The following PPFIBP1 variants were observed in gnomAD, a reference collection of about 807,000 sequenced individuals.
PPFIBP1 encodes liprin-beta-1.
In PPFIBP1, 112 loss-of-function variants were observed where a neutral mutation model predicts 137.8. The ratio of observed to expected loss-of-function variants is 0.81; its 90% confidence interval spans 0.70 to 0.95. The LOEUF is 0.95. Among genes scored for constraint, PPFIBP1 ranks in the 40% least tolerant of loss-of-function variants. PPFIBP1 has a pLI of 0.00. For synonymous variants in PPFIBP1, 378 were observed against 417.3 expected (o/e 0.91, Z 1.15); for missense variants, 1,083 against 1,196.6 (o/e 0.91, Z 1.40).
rs146181524 is a variant in PPFIBP1 at position 27,676,439 on chromosome 12, G to C, written c.1422G>C (p.Pro474=). 169 of 1,535,878 alleles carry C rather than the reference G, an allele frequency of 1.1e-4. No individual in the cohort carries two copies. The African/African-American group carries it at 2.2e-3, about 20-fold the overall frequency. ...TIQKTSEDRA[P]AESRPFGTLP... is the part of the protein sequence containing the mutation. ...TATTTGCCTCTCAGGACAGAGCTCCGGCAGAAAGCAGGCCATTTGGGACCC... is the reference window on the plus strand; with the variant it reads ...TATTTGCCTCTCAGGACAGAGCTCCCGCAGAAAGCAGGCCATTTGGGACCC... Residue 474 remains proline (P), a synonymous_variant, in exon 18 of 30, where the codon CCG becomes CCC. Transcript: ENST00000228425.
intron 1 of PPFIBP1, among the ~76,000 whole-genome samples, chr12:27,570,786 G>A (rs576495469): frequency 8.7e-4 from 133 of 152,142 alleles, no homozygotes; most frequent in African/African-American, 3.1e-3. Context: ...GGTGGCGGGC[G>A]CCTGTAGTCC....
chr12:27,538,860 A>C (rs1360767505), intron 1 of PPFIBP1, among the ~76,000 whole-genome samples: 1 of 152,198 alleles, frequency 6.6e-6, no homozygotes, highest in Non-Finnish European at 1.5e-5. Flanking sequence ...AATACTGTAT[A>C]CTTTTGTAGC....
intron 2 of PPFIBP1, among the ~76,000 whole-genome samples, chr12:27,632,459 A>G (rs1488189106): frequency 6.6e-6 from 1 of 152,198 alleles, no homozygotes; most frequent in African/African-American, 2.4e-5. Flanking sequence ...GCTGAAAATC[A>G]CATTATCTTG....
intron 4 of PPFIBP1, among the ~76,000 whole-genome samples, chr12:27,642,147 TC>T (rs1411692425): frequency 6.6e-6 from 1 of 152,202 alleles, no homozygotes; most frequent in Non-Finnish European, 1.5e-5. Context: ...GATGTGTTTC[TC>T]CCCATTGTGC....
intron 2 of PPFIBP1, among the ~76,000 whole-genome samples, chr12:27,624,824 T>A (rs1453225851): frequency 6.6e-6 from 1 of 152,210 alleles, no homozygotes; most frequent in African/African-American, 2.4e-5. Flanking sequence ...AAATATTTGG[T>A]GAGCCCTTAG....
chr12:27,691,146 G>A (rs995850066), intron 27 of PPFIBP1, among the ~76,000 whole-genome samples: 1 of 139,452 alleles, frequency 7.2e-6, no homozygotes, highest in Non-Finnish European at 1.6e-5. Context: ...AAGCAGAATA[G>A]GCATACAAGA....
intron 5 of PPFIBP1, 58 bp from the exon 6 acceptor site, chr12:27,647,671 G>T (rs544933513): frequency 9.9e-6 from 10 of 1,007,048 alleles, no homozygotes; most frequent in South Asian, 2.1e-5. Context: ...GAGAAATAAC[G>T]TATGCAGTGG....
At chr12:27,613,361 C>T (rs2055367553) in intron 2 of PPFIBP1, among the ~76,000 whole-genome samples, 1 of 152,190 alleles carries the variant, frequency 6.6e-6, no homozygotes, top group Admixed American at 6.5e-5. Flanking sequence ...GAAGTACTCT[C>T]TCCAGGGTAG....
rs2061616386 is a variant in PPFIBP1, at chr12:27,692,591, A to T, written c.2866A>T (p.Met956Leu). Residue 956 changes from methionine (M) to leucine (L), a missense_variant and splice_region_variant, in exon 29 of 30, where the codon ATG becomes TTG. By Grantham distance (15) the Met-to-Leu change is conservative. Coordinates refer to ENST00000228425, the MANE Select transcript of PPFIBP1 (RefSeq NM_003622.4). ...TCATGTTATGGTTTGTTATTTGCAG[A>T]TGGAAGATTCAGAAGGGACAGTGAG... Reference protein sequence around the residue: ...EEDDLDRLEQMEDSEGTVRQI... With the variant: ...EEDDLDRLEQLEDSEGTVRQI... The T allele has an allele frequency of 6.2e-7, 1 of 1,613,336 alleles. No homozygotes were observed.
intron 10 of PPFIBP1, among the ~76,000 whole-genome samples, chr12:27,660,104 C>A (rs2059450035): frequency 6.6e-6 from 1 of 151,886 alleles, no homozygotes; most frequent in Non-Finnish European, 1.5e-5. Context: ...GTTGCCCAGG[C>A]TGGTCTCAAA....
At chr12:27,534,046 G>T (rs1944703132) in intron 1 of PPFIBP1, among the ~76,000 whole-genome samples, 1 of 152,166 alleles carries the variant, frequency 6.6e-6, no homozygotes, top group African/African-American at 2.4e-5. Context: ...ACTGCAGGTG[G>T]CCTGGTTAGT....
chr12:27,627,326 A>C (rs1213925522), intron 2 of PPFIBP1, among the ~76,000 whole-genome samples: 1 of 152,230 alleles, frequency 6.6e-6, no homozygotes, highest in East Asian at 1.9e-4. Flanking sequence ...CTGTTGAGAA[A>C]GGTATGAGTA....
intron 5 of PPFIBP1, among the ~76,000 whole-genome samples, chr12:27,646,984 A>G (rs2058547939): frequency 6.6e-6 from 1 of 152,104 alleles, no homozygotes; most frequent in South Asian, 2.1e-4. Flanking sequence ...AGCTCATGGA[A>G]TTTGAATTCC....
intron 2 of PPFIBP1, among the ~76,000 whole-genome samples, chr12:27,583,376 G>A (rs1445263523): frequency 6.6e-6 from 1 of 152,154 alleles, no homozygotes; most frequent in Non-Finnish European, 1.5e-5. Context: ...TCCTGCTCAA[G>A]GAGGTCACAT....
In PPFIBP1 at chr12:27,694,979, A is replaced by G. The variant is rs74462176; in HGVS notation, c.*2097A>G. The G allele has an allele frequency of 3.2e-3, 485 of 152,246 alleles. No homozygotes were observed. The highest frequency in any genetic ancestry group is 0.011 in the African/African-American group (461 of 41,528). The allele number at this position is 152,246 out of a possible 1,614,324, so 9.4% of individuals were successfully genotyped here. On this transcript the variant is annotated 3_prime_UTR_variant, in exon 30 of 30. Transcript: ENST00000228425. ...TGATGCTAATAATAATTTTCTTTAA[A>G]CTCTACCATTCATTATGTGGTAACT...
intron 13 of PPFIBP1, among the ~76,000 whole-genome samples, chr12:27,669,875 A>C (rs1215590898): frequency 6.6e-6 from 1 of 152,216 alleles, no homozygotes. Flanking sequence ...GGTCCAGTAC[A>C]TTCTCTTCTA....
chr12:27,623,252 G>T (rs1232210889), intron 2 of PPFIBP1, among the ~76,000 whole-genome samples: 1 of 152,164 alleles, frequency 6.6e-6, no homozygotes, highest in Non-Finnish European at 1.5e-5. Flanking sequence ...TAATACTGGG[G>T]ACTAAGTTTG....
chr12:27,581,270 C>G (rs778810461), intron 2 of PPFIBP1, among the ~76,000 whole-genome samples: 8 of 152,210 alleles, frequency 5.3e-5, no homozygotes, highest in Non-Finnish European at 1.0e-4. Flanking sequence ...AAGCAACACC[C>G]TAGTCTCTCC....
rs772505755 is a variant in PPFIBP1, at chr12:27,687,458, G to A, written c.2321G>A (p.Arg774Lys). The A allele has an allele frequency of 1.9e-6, 3 of 1,613,908 alleles. No homozygotes were observed. In the South Asian group the frequency reaches 3.3e-5, roughly 18 times the overall value. The change falls in exon 25 of 30, where the codon AGG (arginine) becomes AAG (lysine). Residue 774 changes from arginine to lysine, a missense_variant. Transcript: ENST00000228425. ...ATCAAAAGGGCCATCCAGGTCCTGA[G>A]GATCAATAACTTTGAACCAAACTGT... Reference protein sequence around the residue: ...LSIKRAIQVLRINNFEPNCLR... With the variant: ...LSIKRAIQVLKINNFEPNCLR...
Sources: gnomAD v4.1 joint callset for allele counts (sites outside exome capture counted in the v4.1 genomes callset) on GRCh38, gnomAD v4.1.1 for gene constraint, MANE v1.5 for transcripts, NCBI Gene and HGNC (gene_info 2026-07-23, HGNC 2026-07-21) for gene names.